The following RAB11FIP4 variants were observed in gnomAD, a reference collection of about 807,000 sequenced individuals.
The protein encoded by RAB11FIP4 is rab11 family-interacting protein 4.
In RAB11FIP4, 23 loss-of-function variants were observed where a neutral mutation model predicts 74.3. The observed-to-expected ratio is 0.31, with a 90% confidence interval of 0.22 to 0.44. The LOEUF (loss-of-function observed/expected upper bound fraction) is 0.44, where lower values mean the gene tolerates loss of function less well. RAB11FIP4 is among the 20% of genes least tolerant of loss of function. The pLI, the probability that RAB11FIP4 is intolerant of heterozygous loss-of-function variation, is 1.00. For synonymous variants in RAB11FIP4, 360 were observed against 359.9 expected, an observed-to-expected ratio of 1.00 and a Z score of 0.00; for missense variants, 630 against 863.9, an observed-to-expected ratio of 0.73 and a Z score of 3.39.
chr17:31,392,892 G>T (rs553557218), intron 1 of RAB11FIP4, among the ~76,000 whole-genome samples: 2 of 152,352 alleles, frequency 1.3e-5, no homozygotes, highest in East Asian at 3.9e-4. Context: ...GCCCTGAGAA[G>T]TGGGTTTCCA....
At chr17:31,469,040 C>T (rs2071713112) in intron 3 of RAB11FIP4, among the ~76,000 whole-genome samples, 2 of 152,262 alleles carry the variant, frequency 1.3e-5, no homozygotes, top group Admixed American at 6.5e-5. Flanking sequence ...GTGTCTGGCA[C>T]AGAATAAGCC....
At chr17:31,450,959 T>G (rs79998873) in intron 3 of RAB11FIP4, among the ~76,000 whole-genome samples, 276 of 152,172 alleles carry the variant, frequency 1.8e-3, no homozygotes, top group African/African-American at 6.4e-3. Flanking sequence ...AAGTCATCCT[T>G]AATTTCTTTC....
intron 3 of RAB11FIP4, among the ~76,000 whole-genome samples, chr17:31,493,469 C>G (rs777748283): frequency 3.3e-5 from 5 of 151,908 alleles, no homozygotes; most frequent in Non-Finnish European, 5.9e-5. Flanking sequence ...GCTGCTGCTC[C>G]GGTGAACTTG....
intron 3 of RAB11FIP4, among the ~76,000 whole-genome samples, chr17:31,469,890 T>G (rs566435556): frequency 6.6e-6 from 1 of 152,304 alleles, no homozygotes; most frequent in East Asian, 1.9e-4. Context: ...TCAACAACTC[T>G]GAGATGAGTA....
In RAB11FIP4 at chr17:31,536,947, C is replaced by T. The variant is rs2072975450; in HGVS notation, c.*5215C>T. 1.0e-5 allele frequency: 4 copies of T among 399,012 alleles called. No homozygotes were observed. In the South Asian group the frequency reaches 5.1e-4, roughly 51 times the overall value. The allele number at this position is 399,012 out of a possible 1,614,324, so 24.7% of individuals were successfully genotyped here. On this transcript the variant is annotated 3_prime_UTR_variant, in exon 15 of 15. Transcript: ENST00000621161. ...CCTGCCCCGACCTCGTAGGTTGCTC[C>T]TTTCCCCATCTGTAAGGTAGAGATG...
chr17:31,433,948 C>G, intron 2 of RAB11FIP4, 86 bp from the exon 3 acceptor site: 1 of 1,333,292 alleles, frequency 7.5e-7, no homozygotes, highest in Non-Finnish European at 1.0e-6. Context: ...CCCTTCCCAC[C>G]CTATGCCCAT....
intron 3 of RAB11FIP4, among the ~76,000 whole-genome samples, chr17:31,464,824 G>T (rs2071669362): frequency 7.2e-6 from 1 of 139,258 alleles, no homozygotes; most frequent in Non-Finnish European, 1.5e-5. Context: ...GCAGTGGCAC[G>T]ATCTTGGCTT....
chr17:31,410,223 T>C (rs1233859629), intron 1 of RAB11FIP4, among the ~76,000 whole-genome samples: 1 of 152,038 alleles, frequency 6.6e-6, no homozygotes, highest in East Asian at 1.9e-4. Flanking sequence ...TCTGCGCTGG[T>C]TATAGATTAT....
intron 1 of RAB11FIP4, among the ~76,000 whole-genome samples, chr17:31,402,911 C>A (rs749891010): frequency 6.6e-6 from 1 of 152,202 alleles, no homozygotes; most frequent in East Asian, 1.9e-4. Context: ...AGGCGTGAGC[C>A]ACCGCGCCTG....
At chr17:31,422,179 C>T (rs982942671) in intron 1 of RAB11FIP4, among the ~76,000 whole-genome samples, 3 of 152,060 alleles carry the variant, frequency 2.0e-5, no homozygotes, top group African/African-American at 4.8e-5. Context: ...TGCCTCCCCA[C>T]CACACACAAA....
chr17:31,447,813 G>A (rs561508977), intron 3 of RAB11FIP4, among the ~76,000 whole-genome samples: 75 of 152,120 alleles, frequency 4.9e-4, no homozygotes, highest in African/African-American at 1.6e-3. Flanking sequence ...ACAAGCCACC[G>A]CGCCCAACTG....
At chr17:31,463,803 CTTTTT>C (rs60955293) in intron 3 of RAB11FIP4, among the ~76,000 whole-genome samples, 353 of 32,838 alleles carry the variant, frequency 0.011, 3 homozygotes, top group African/African-American at 0.032. Context: ...TGCGCCTGGA[CTTTTT>C]TTTTTTTTTT....
chr17:31,503,036 T>TATTATTATTTTG (rs141212580), intron 3 of RAB11FIP4, among the ~76,000 whole-genome samples: 12 of 151,436 alleles, frequency 7.9e-5, no homozygotes, highest in African/African-American at 2.4e-4. Context: ...TTATTATTAT[T>TATTATTATTTTG]TTGTTGTTTG....
At position 31,508,374 on chromosome 17, in the gene RAB11FIP4, C is replaced by T. The variant is rs553465766; in HGVS notation, c.337-9277C>T. 1.8e-3 allele frequency among the ~76,000 whole-genome samples: 276 copies of T among 152,346 alleles called. 1 individual carries two copies. Among genetic ancestry groups the T allele is most frequent in the Non-Finnish European group, 3.0e-3 (204 of 68,038 alleles). Reference sequence around the variant, plus strand: ...TGCTCACTGATTGTCCCTAAATGGACCTGCAGAGCCAGTGGATCCCCTTGT... The same window carrying T: ...TGCTCACTGATTGTCCCTAAATGGATCTGCAGAGCCAGTGGATCCCCTTGT... On this transcript the variant is annotated intron_variant, in intron 3 of 14. Transcript: ENST00000621161.
rs751836660 is a variant in RAB11FIP4 at position 31,528,696 on chromosome 17, G to A, written c.1571G>A (p.Arg524His). ...GACTGCGAGCGGCCAGGCAGGGGCCGCAGTGCCTCCTCTGGCCTAGGCGAG... is the reference window on the plus strand; with the variant it reads ...GACTGCGAGCGGCCAGGCAGGGGCCACAGTGCCTCCTCTGGCCTAGGCGAG... Reference protein sequence around the residue: ...KLDCERPGRGRSASSGLGEFN... With the variant: ...KLDCERPGRGHSASSGLGEFN... The change falls in exon 13 of 15, where the codon CGC (arginine) becomes CAC (histidine). Residue 524 changes from arginine (R) to histidine (H), a missense_variant. Coordinates refer to ENST00000621161, the MANE Select transcript of RAB11FIP4 (RefSeq NM_032932.6). 2.5e-6 allele frequency: 4 copies of A among 1,612,216 alleles called. No homozygotes were observed. Among genetic ancestry groups the A allele is most frequent in the South Asian group, 2.2e-5 (2 of 90,876 alleles).
At chr17:31,517,925 A>G in intron 4 of RAB11FIP4, 48 bp downstream of exon 4, 1 of 1,455,900 alleles carries the variant, frequency 6.9e-7, no homozygotes, top group Non-Finnish European at 9.4e-7. Flanking sequence ...TCAGCCCAGA[A>G]ATGTGGTTCT....
At chr17:31,437,877 T>C (rs1180046735) in intron 3 of RAB11FIP4, among the ~76,000 whole-genome samples, 5 of 152,092 alleles carry the variant, frequency 3.3e-5, no homozygotes, top group African/African-American at 4.8e-5. Flanking sequence ...TGCAAGTCTA[T>C]CCCGGGCAGT....
At chr17:31,392,035 CG>C in intron 1 of RAB11FIP4, 24 bp downstream of exon 1, 1 of 1,257,366 alleles carries the variant, frequency 8.0e-7, no homozygotes, top group South Asian at 2.7e-5. Context: ...ACCCCAGTCC[CG>C]GCCCGGGGAC....
At chr17:31,431,470 G>T (rs972291770) in intron 1 of RAB11FIP4, 4 of 234,546 alleles carry the variant, frequency 1.7e-5, no homozygotes, top group Non-Finnish European at 3.3e-5. Context: ...CAATGAGTTT[G>T]TGTCTGTTTT....
Sources: allele counts gnomAD v4.1 joint callset (sites outside exome capture counted in the v4.1 genomes callset), GRCh38; gene constraint gnomAD v4.1.1; transcripts MANE v1.5; gene names NCBI Gene and HGNC (gene_info 2026-07-23, HGNC 2026-07-21).